Variants in CSMD1 observed in about 807,000 individuals in gnomAD.
The protein encoded by CSMD1 is CUB and Sushi multiple domains 1, also known as CUB and sushi domain-containing protein 1.
CSMD1 carries 213 observed loss-of-function variants against 417.5 expected under a neutral mutation model. That is an observed-to-expected ratio of 0.51 (90% confidence interval 0.46 to 0.57). CSMD1 has a LOEUF of 0.57. Among genes scored for constraint, CSMD1 ranks in the 20% least tolerant of loss-of-function variants. The pLI, the probability that CSMD1 is intolerant of heterozygous loss-of-function variation, is 0.00. For synonymous variants in CSMD1, 2,862 were observed against 1,736.8 expected, an observed-to-expected ratio of 1.65 and a Z score of -16.11; for missense variants, 6,923 against 4,529.7, an observed-to-expected ratio of 1.53 and a Z score of -15.17.
chr8:3,920,709 CT>C (rs2129143880), intron 5 of CSMD1, among the ~76,000 whole-genome samples: 2 of 150,680 alleles, frequency 1.3e-5, no homozygotes, highest in South Asian at 4.2e-4. Context: ...TTGTCAAATG[CT>C]TTTTTGTGCA....
chr8:4,291,700 A>G (rs1356495797), intron 3 of CSMD1, among the ~76,000 whole-genome samples: 1 of 152,216 alleles, frequency 6.6e-6, no homozygotes, highest in Non-Finnish European at 1.5e-5. Flanking sequence ...AACGGGTGGT[A>G]AAATTCATAA....
At chr8:4,786,877 G>T (rs1009885339) in intron 1 of CSMD1, among the ~76,000 whole-genome samples, 4 of 152,132 alleles carry the variant, frequency 2.6e-5, no homozygotes, top group Admixed American at 2.0e-4. Flanking sequence ...AATTATTTAA[G>T]TGAAATGCTA....
In CSMD1 at chr8:3,407,938, G is replaced by A. The variant is rs1812454142; in HGVS notation, c.2032C>T (p.His678Tyr). ...HIVRLEFQSD[H>Y]STTGRGFNIT... ...TTGAACCCTCTGCCAGTAGTGGAAT[G>A]GTCAGACTGAAATTCCAAGCGAACT... Residue 678 changes from histidine (H) to tyrosine (Y), a missense_variant, in exon 14 of 70, where the codon CAT becomes TAT. His to Tyr is a moderately conservative substitution (Grantham distance 83, BLOSUM62 2). Transcript: ENST00000635120. The A allele has an allele frequency of 1.2e-6, 2 of 1,613,294 alleles. No homozygotes were observed. Among genetic ancestry groups the A allele is most frequent in the East Asian group, 2.2e-5 (1 of 44,842 alleles).
chr8:4,161,117 A>T, intron 3 of CSMD1, among the ~76,000 whole-genome samples: 1 of 80,444 alleles, frequency 1.2e-5, no homozygotes, highest in African/African-American at 3.3e-5. Context: ...ATAAACAAAT[A>T]ATGTAAAAAA....
chr8:4,224,514 C>T (rs968525242), intron 3 of CSMD1, among the ~76,000 whole-genome samples: 2 of 152,152 alleles, frequency 1.3e-5, no homozygotes, highest in Non-Finnish European at 2.9e-5. Flanking sequence ...ACTAAATGCC[C>T]TCTTCGCCTA....
At chr8:3,281,475 C>G (rs967441179) in intron 26 of CSMD1, among the ~76,000 whole-genome samples, 1 of 152,010 alleles carries the variant, frequency 6.6e-6, no homozygotes, top group African/African-American at 2.4e-5. Flanking sequence ...AACTGTGGTA[C>G]AACAAGTCAA....
Position 4,621,393 on chromosome 8 carries a change from A to G in CSMD1, c.302+15949T>C, listed in dbSNP as rs149212295. Among the ~76,000 whole-genome samples the G allele has an allele frequency of 1.0e-3, 156 of 152,204 alleles. 1 individual carries two copies. Among genetic ancestry groups the G allele is most frequent in the Non-Finnish European group, 1.7e-3 (114 of 67,962 alleles). On this transcript the variant is annotated intron_variant, in intron 2 of 69. Coordinates refer to ENST00000635120, the MANE Select transcript of CSMD1 (RefSeq NM_033225.6). ...GATTTTGGAACATTTGGGATTTGGA[A>G]TTTTATAATTAGAGATGCTCAACCT...
At chr8:3,688,516 C>G (rs1046347077) in intron 7 of CSMD1, among the ~76,000 whole-genome samples, 21 of 152,188 alleles carry the variant, frequency 1.4e-4, no homozygotes, top group African/African-American at 4.8e-4. Flanking sequence ...TGAAAAGTTA[C>G]TCTTTATCAC....
At position 4,232,632 on chromosome 8, in the gene CSMD1, G is replaced by C. The variant is rs145218475; in HGVS notation, c.415+187321C>G. 1.5e-4 allele frequency among the ~76,000 whole-genome samples: 23 copies of C among 152,114 alleles called. No homozygotes were observed. The East Asian group carries it at 4.3e-3, about 28-fold the overall frequency. On this transcript the variant is annotated intron_variant, in intron 3 of 69. Transcript: ENST00000635120. The stretch of plus-strand genomic sequence containing the variant: ...ATGTCTTGCTGCAAATTAGATGAAG[G>C]GTATTTCATCACTAAATCTTACTTT...
chr8:3,418,476 T>A (rs73657884), intron 12 of CSMD1, among the ~76,000 whole-genome samples: 3 of 152,144 alleles, frequency 2.0e-5, no homozygotes, highest in African/African-American at 7.2e-5. Context: ...TTCAAGATAT[T>A]GGTCAGCTAT....
At chr8:3,567,815 C>G (rs539520988) in intron 10 of CSMD1, among the ~76,000 whole-genome samples, 3 of 152,162 alleles carry the variant, frequency 2.0e-5, no homozygotes, top group Non-Finnish European at 4.4e-5. Flanking sequence ...CTCTGCAGAT[C>G]CGTCACTATT....
intron 2 of CSMD1, among the ~76,000 whole-genome samples, chr8:4,617,789 G>C (rs75331602): frequency 6.6e-6 from 1 of 151,960 alleles, no homozygotes; most frequent in Admixed American, 6.6e-5. Context: ...TTATTTGCTT[G>C]CTCATATGTT....
intron 12 of CSMD1, among the ~76,000 whole-genome samples, chr8:3,425,835 G>C (rs1226310028): frequency 6.6e-6 from 1 of 152,060 alleles, no homozygotes; most frequent in Non-Finnish European, 1.5e-5. Context: ...TTGAGGTGAA[G>C]AACTATGACC....
chr8:3,852,685 G>A (rs1299393848), intron 5 of CSMD1, among the ~76,000 whole-genome samples: 1 of 152,020 alleles, frequency 6.6e-6, no homozygotes, highest in Admixed American at 6.5e-5. Flanking sequence ...GATGGGGGTG[G>A]GGAGGAGCCT....
intron 1 of CSMD1, among the ~76,000 whole-genome samples, chr8:4,744,642 A>G (rs1007151206): frequency 6.6e-6 from 1 of 152,138 alleles, no homozygotes; most frequent in African/African-American, 2.4e-5. Flanking sequence ...TAACAATATT[A>G]TTCTCAATTT....
chr8:3,204,059 C>G (rs184733686), intron 31 of CSMD1, among the ~76,000 whole-genome samples: 54 of 152,192 alleles, frequency 3.5e-4, no homozygotes, highest in African/African-American at 1.2e-3. Context: ...GAAAGAGTAA[C>G]GAATGGGGGA....
At chr8:3,960,890 C>T (rs899870453) in intron 5 of CSMD1, among the ~76,000 whole-genome samples, 2 of 151,960 alleles carry the variant, frequency 1.3e-5, no homozygotes, top group African/African-American at 4.8e-5. Flanking sequence ...ATACAAAGCT[C>T]ATATCACAAA....
intron 10 of CSMD1, among the ~76,000 whole-genome samples, chr8:3,569,264 A>T (rs1158735848): frequency 1.3e-5 from 2 of 152,196 alleles, no homozygotes; most frequent in Admixed American, 6.5e-5. Flanking sequence ...TTTTGACATG[A>T]TATAGCATGA....
intron 2 of CSMD1, among the ~76,000 whole-genome samples, chr8:4,591,606 G>T (rs954854902): frequency 6.6e-6 from 1 of 152,168 alleles, no homozygotes. Flanking sequence ...TCCAAGGGTA[G>T]TGATGGCGGA....
Sources: allele counts gnomAD v4.1 joint callset (sites outside exome capture counted in the v4.1 genomes callset), GRCh38; gene constraint gnomAD v4.1.1; transcripts MANE v1.5; gene names NCBI Gene and HGNC (gene_info 2026-07-23, HGNC 2026-07-21).